Variants in IL1RAPL2 observed in about 807,000 individuals in gnomAD.
IL1RAPL2 encodes X-linked interleukin-1 receptor accessory protein-like 2.
A neutral mutation model predicts 44.1 loss-of-function variants in IL1RAPL2; 3 were observed. The ratio of observed to expected loss-of-function variants is 0.07; its 90% CI spans 0.03 to 0.18. IL1RAPL2 has a LOEUF of 0.18. Among genes scored for constraint, IL1RAPL2 ranks in the 10% least tolerant of loss-of-function variants. The probability of loss-of-function intolerance (pLI) is 1.00; values close to 1 mark genes in which losing one functional copy is unlikely to be tolerated. For synonymous variants in IL1RAPL2, 181 were observed against 178.8 expected, an observed-to-expected ratio of 1.01 and a Z score of -0.10; for missense variants, 391 against 496.4, an observed-to-expected ratio of 0.79 and a Z score of 2.02.
chrX:105,308,107 A>C (rs1299340176), intron 5 of IL1RAPL2, among the ~76,000 whole-genome samples: 2 of 111,226 alleles, frequency 1.8e-5, no homozygotes, highest in African/African-American at 6.5e-5. Context: ...AAAAACCATG[A>C]GTTTATACTC....
At chrX:104,938,146 A>T (rs1925070809) in intron 2 of IL1RAPL2, among the ~76,000 whole-genome samples, 1 of 112,568 alleles carries the variant, frequency 8.9e-6, no homozygotes, top group Admixed American at 9.5e-5. Context: ...TTAGATAAAC[A>T]ATCATCTGAA....
chrX:105,313,671 A>C (rs1025773120), intron 5 of IL1RAPL2, among the ~76,000 whole-genome samples: 1 of 112,007 alleles, frequency 8.9e-6, no homozygotes, highest in African/African-American at 3.2e-5. Context: ...TTTACACACA[A>C]AAAAGATCTT....
At chrX:104,887,526 C>T (rs1175774110) in intron 2 of IL1RAPL2, among the ~76,000 whole-genome samples, 1 of 111,517 alleles carries the variant, frequency 9.0e-6, no homozygotes, top group Non-Finnish European at 1.9e-5. Flanking sequence ...AAGGATCTCA[C>T]TGTCTGGACT....
At chrX:104,842,033 C>T (rs1017936931) in intron 2 of IL1RAPL2, among the ~76,000 whole-genome samples, 3 of 110,197 alleles carry the variant, frequency 2.7e-5, no homozygotes, top group African/African-American at 9.9e-5. Context: ...ATCTGTCAAT[C>T]GCAGGTTTGG....
intron 2 of IL1RAPL2, among the ~76,000 whole-genome samples, chrX:105,151,984 T>C (rs2033231860): frequency 9.1e-6 from 1 of 110,429 alleles, no homozygotes; most frequent in South Asian, 3.9e-4. Flanking sequence ...ACAATGGACT[T>C]TGGGGACTTG....
At chrX:105,335,938 T>C (rs2035024929) in intron 5 of IL1RAPL2, among the ~76,000 whole-genome samples, 1 of 112,231 alleles carries the variant, frequency 8.9e-6, no homozygotes, top group Non-Finnish European at 1.9e-5. Flanking sequence ...CATCTTTTTG[T>C]TCTAACACAG....
chrX:104,881,787 T>C (rs1248672225), intron 2 of IL1RAPL2, among the ~76,000 whole-genome samples: 3 of 111,768 alleles, frequency 2.7e-5, no homozygotes, highest in Non-Finnish European at 5.6e-5. Flanking sequence ...GTGAGGATAT[T>C]GGAATGAGAA....
At chrX:105,616,648 A>C (rs753336012) in intron 6 of IL1RAPL2, among the ~76,000 whole-genome samples, 29 of 110,841 alleles carry the variant, frequency 2.6e-4, no homozygotes, top group African/African-American at 9.5e-4. Flanking sequence ...TATTATGTTG[A>C]AGGGGTTTGT....
At chrX:104,857,725 C>T (rs1043934678) in intron 2 of IL1RAPL2, among the ~76,000 whole-genome samples, 1 of 111,344 alleles carries the variant, frequency 9.0e-6, no homozygotes, top group African/African-American at 3.3e-5. Context: ...TGGAGAATGG[C>T]TCACTTGTAC....
chrX:104,928,101 C>A (rs913171558), intron 2 of IL1RAPL2, among the ~76,000 whole-genome samples: 1 of 111,746 alleles, frequency 8.9e-6, no homozygotes, highest in Non-Finnish European at 1.9e-5. Context: ...GCATATTAAT[C>A]ACATCATGGA....
At chrX:104,615,251 T>A (rs1010198695) in intron 1 of IL1RAPL2, among the ~76,000 whole-genome samples, 9 of 111,688 alleles carry the variant, frequency 8.1e-5, no homozygotes, top group Non-Finnish European at 1.5e-4. Flanking sequence ...CTGAGGTACA[T>A]GTACAGGATG....
intron 6 of IL1RAPL2, among the ~76,000 whole-genome samples, chrX:105,490,197 T>C (rs1378337964): frequency 9.0e-6 from 1 of 111,426 alleles, no homozygotes; most frequent in Non-Finnish European, 1.9e-5. Flanking sequence ...AAAATACATA[T>C]AAACATTTAC....
chrX:104,866,516 A>T (rs956394275), intron 2 of IL1RAPL2, among the ~76,000 whole-genome samples: 2 of 111,837 alleles, frequency 1.8e-5, no homozygotes, highest in Non-Finnish European at 3.8e-5. Flanking sequence ...ATTTATGCTC[A>T]TTTATTCAAG....
chrX:105,386,218 A>G (rs1173449557), intron 5 of IL1RAPL2, among the ~76,000 whole-genome samples: 1 of 112,225 alleles, frequency 8.9e-6, no homozygotes, highest in Non-Finnish European at 1.9e-5. Context: ...GCTTTTATAC[A>G]AAAACAAACT....
chrX:104,855,282 CAA>C (rs1180631469), intron 2 of IL1RAPL2, among the ~76,000 whole-genome samples: 1 of 111,410 alleles, frequency 9.0e-6, no homozygotes, highest in Non-Finnish European at 1.9e-5. Flanking sequence ...GATGAGGCAG[CAA>C]AGTTTGGAGC....
intron 5 of IL1RAPL2, among the ~76,000 whole-genome samples, chrX:105,363,289 A>AATATATATATATATATAATATAT (rs2035262842): frequency 1.3e-5 from 1 of 76,236 alleles, no homozygotes; most frequent in Non-Finnish European, 2.2e-5. Context: ...ATATATATAT[A>AATATATATATATATATAATATAT]ATATATATAT....
chrX:104,758,035 G>A lies in IL1RAPL2; in HGVS notation c.82+99040G>A, dbSNP rs755580582. 1.3e-4 allele frequency among the ~76,000 whole-genome samples: 14 copies of A among 111,940 alleles called. No homozygotes were observed. In the South Asian group the frequency reaches 4.5e-3, roughly 36 times the overall value. On this transcript the variant is annotated intron_variant, in intron 2 of 10. Coordinates refer to ENST00000372582, the MANE Select transcript of IL1RAPL2 (RefSeq NM_017416.2). The stretch of plus-strand genomic sequence containing the variant: ...GAATTAATAGAACTAGATAAAATGT[G>A]CCTGGACGGTAAAGAATATGAAGAC...
intron 1 of IL1RAPL2, among the ~76,000 whole-genome samples, chrX:104,625,554 C>T (rs1412330262): frequency 9.0e-6 from 1 of 111,530 alleles, no homozygotes; most frequent in Non-Finnish European, 1.9e-5. Flanking sequence ...TTCTTCTCTT[C>T]TCTGCTCTCT....
At chrX:104,947,896 G>T (rs755338673) in intron 2 of IL1RAPL2, among the ~76,000 whole-genome samples, 8 of 111,973 alleles carry the variant, frequency 7.1e-5, no homozygotes, top group African/African-American at 2.6e-4. Context: ...ACTTGGTGAT[G>T]TGGGCTCTTT....
Sources: allele counts gnomAD v4.1 joint callset (sites outside exome capture counted in the v4.1 genomes callset), GRCh38; gene constraint gnomAD v4.1.1; transcripts MANE v1.5; gene names NCBI Gene and HGNC (gene_info 2026-07-23, HGNC 2026-07-21).